The following HAO1 variants were observed in gnomAD, a reference collection of about 807,000 sequenced individuals.
HAO1 encodes the protein 2-Hydroxyacid oxidase 1.
HAO1 carries 34 observed loss-of-function variants against 39.7 expected under a neutral mutation model. That is an observed-to-expected ratio of 0.86 (90% CI 0.65 to 1.14). HAO1 has a LOEUF of 1.14. Among genes scored for constraint, HAO1 ranks in the 50% most tolerant of loss-of-function variants. The probability of loss-of-function intolerance (pLI) is 0.00; values close to 1 mark genes in which losing one functional copy is unlikely to be tolerated. For synonymous variants in HAO1, 172 were observed against 173.2 expected (o/e 0.99, Z 0.05); for missense variants, 479 against 464.5 (o/e 1.03, Z -0.29).
intron 4 of HAO1, among the ~76,000 whole-genome samples, chr20:7,903,415 C>A (rs749938153): frequency 6.6e-5 from 10 of 151,208 alleles, no homozygotes; most frequent in Non-Finnish European, 1.3e-4. Flanking sequence ...AGAAACAAAC[C>A]AGAAATCCAT....
At chr20:7,894,835 A>G (rs549972580) in intron 5 of HAO1, among the ~76,000 whole-genome samples, 9 of 152,348 alleles carry the variant, frequency 5.9e-5, no homozygotes, top group Admixed American at 3.3e-4. Flanking sequence ...TCCAGTTTAC[A>G]TACCTATTGG....
intron 1 of HAO1, among the ~76,000 whole-genome samples, chr20:7,936,652 C>T (rs1369142201): frequency 1.3e-5 from 2 of 151,978 alleles, no homozygotes; most frequent in Non-Finnish European, 2.9e-5. Flanking sequence ...AGTGGCTTTA[C>T]ACTTGTCCAC....
chr20:7,901,314 C>T (rs1177248632), intron 4 of HAO1, among the ~76,000 whole-genome samples: 1 of 152,104 alleles, frequency 6.6e-6, no homozygotes. Context: ...GCATCTTCTT[C>T]CAAACAAGCC....
intron 4 of HAO1, among the ~76,000 whole-genome samples, chr20:7,900,968 A>G (rs1035943193): frequency 1.3e-5 from 2 of 152,212 alleles, no homozygotes; most frequent in African/African-American, 4.8e-5. Context: ...CTTATTGCTG[A>G]TAGGGAGAAA....
chr20:7,887,104 AT>A, intron 5 of HAO1, among the ~76,000 whole-genome samples: 1 of 152,280 alleles, frequency 6.6e-6, no homozygotes, highest in South Asian at 2.1e-4. Context: ...TGAGTTTGGG[AT>A]TGTTCATTTT....
At chr20:7,890,080 C>T (rs904446245) in intron 5 of HAO1, among the ~76,000 whole-genome samples, 1 of 152,184 alleles carries the variant, frequency 6.6e-6, no homozygotes, top group Non-Finnish European at 1.5e-5. Flanking sequence ...CTTTGCGGTA[C>T]ACCAAATGCT....
intron 3 of HAO1, among the ~76,000 whole-genome samples, chr20:7,909,156 G>A (rs527312590): frequency 1.3e-5 from 2 of 151,802 alleles, no homozygotes; most frequent in Admixed American, 1.3e-4. Context: ...TTCTTGGATG[G>A]TGAAATGCGA....
chr20:7,920,960 G>A (rs2050328414), intron 2 of HAO1, among the ~76,000 whole-genome samples: 1 of 151,902 alleles, frequency 6.6e-6, no homozygotes, highest in African/African-American at 2.4e-5. Flanking sequence ...AAACTAAAAT[G>A]TTTCTGCACA....
At chr20:7,935,823 A>C (rs558330332) in intron 1 of HAO1, among the ~76,000 whole-genome samples, 1 of 152,298 alleles carries the variant, frequency 6.6e-6, no homozygotes, top group East Asian at 1.9e-4. Flanking sequence ...AGTACTGATT[A>C]AAATTGAAGA....
At chr20:7,935,560 G>A (rs1217961574) in intron 1 of HAO1, among the ~76,000 whole-genome samples, 1 of 152,002 alleles carries the variant, frequency 6.6e-6, no homozygotes, top group Non-Finnish European at 1.5e-5. Flanking sequence ...GATGAGGGAA[G>A]GTTTTTTATT....
Position 7,931,218 on chromosome 20 carries a change from G to A in HAO1, c.289+3266C>T, listed in dbSNP as rs565382368. Among the ~76,000 whole-genome samples the A allele has an allele frequency of 5.3e-5, 8 of 152,164 alleles. No homozygotes were observed. In the South Asian group the frequency reaches 1.2e-3, roughly 24 times the overall value. ...CCTTCTCCAATTCCTCTGCAATCTC[G>A]ATGTCACCACCCTCTCTTTGTTCTG... On this transcript the variant is annotated intron_variant, in intron 2 of 7. Transcript: ENST00000378789.
chr20:7,908,148 G>T (rs2050257243), intron 3 of HAO1, among the ~76,000 whole-genome samples: 1 of 152,076 alleles, frequency 6.6e-6, no homozygotes, highest in African/African-American at 2.4e-5. Flanking sequence ...CCAGCACTTT[G>T]GGAGGCCGAG....
intron 2 of HAO1, among the ~76,000 whole-genome samples, chr20:7,924,436 T>C (rs2050349881): frequency 6.6e-6 from 1 of 152,156 alleles, no homozygotes. Context: ...AATAAGATGA[T>C]GAACCATCAG....
At chr20:7,888,728 AT>A (rs1212977725) in intron 5 of HAO1, among the ~76,000 whole-genome samples, 1 of 152,186 alleles carries the variant, frequency 6.6e-6, no homozygotes, top group African/African-American at 2.4e-5. Context: ...TCCTTGCAAC[AT>A]TATGGGAGAA....
chr20:7,890,924 C>T (rs955300112), intron 5 of HAO1, among the ~76,000 whole-genome samples: 3 of 152,138 alleles, frequency 2.0e-5, no homozygotes, highest in Admixed American at 6.5e-5. Context: ...ATATGTACCA[C>T]GGTTTCTTTG....
intron 2 of HAO1, among the ~76,000 whole-genome samples, chr20:7,931,790 A>G (rs568077212): frequency 6.6e-6 from 1 of 152,226 alleles, no homozygotes; most frequent in Admixed American, 6.5e-5. Flanking sequence ...GCCCAACTCC[A>G]CCAAGAATAA....
At chr20:7,910,246 G>A (rs555353938) in intron 3 of HAO1, among the ~76,000 whole-genome samples, 170 of 152,282 alleles carry the variant, frequency 1.1e-3, no homozygotes, top group Non-Finnish European at 2.1e-3. Flanking sequence ...AAAAAGTAGA[G>A]CAGATTAAGA....
chr20:7,912,803 T>A (rs966767889), intron 3 of HAO1, among the ~76,000 whole-genome samples: 3 of 152,186 alleles, frequency 2.0e-5, no homozygotes, highest in African/African-American at 7.2e-5. Context: ...CACTTTCTTT[T>A]TCTGTCATTG....
intron 2 of HAO1, among the ~76,000 whole-genome samples, chr20:7,918,710 C>T (rs373385501): frequency 6.6e-6 from 1 of 152,184 alleles, no homozygotes; most frequent in East Asian, 1.9e-4. Flanking sequence ...TCAAATATTA[C>T]CTTTGCCTGA....
Sources: gnomAD v4.1 joint callset for allele counts (sites outside exome capture counted in the v4.1 genomes callset) on GRCh38, gnomAD v4.1.1 for gene constraint, MANE v1.5 for transcripts, NCBI Gene and HGNC (gene_info 2026-07-23, HGNC 2026-07-21) for gene names.